PPP1R12B: variants seen among roughly 807,000 people sequenced by gnomAD.
The protein encoded by PPP1R12B is myosin phosphatase target subunit 2.
A neutral mutation model predicts 126.1 loss-of-function variants in PPP1R12B; 76 were observed. The observed-to-expected ratio is 0.60, with a 90% confidence interval of 0.50 to 0.73. The LOEUF (loss-of-function observed/expected upper bound fraction) is 0.73. Among genes scored for constraint, PPP1R12B ranks in the 30% least tolerant of loss-of-function variants. The probability of loss-of-function intolerance (pLI) is 0.00; values close to 1 mark genes in which losing one functional copy is unlikely to be tolerated. For synonymous variants in PPP1R12B, 356 were observed against 434.7 expected, an observed-to-expected ratio of 0.82 and a Z score of 2.25; for missense variants, 1,052 against 1,205.1, an observed-to-expected ratio of 0.87 and a Z score of 1.88.
At chr1:202,569,299 C>A in intron 23 of PPP1R12B, 102 bp downstream of exon 23, 1 of 1,155,466 alleles carries the variant, frequency 8.7e-7, no homozygotes, top group Non-Finnish European at 1.3e-6. Context: ...TCACTACAAA[C>A]TCAATATCTG....
intron 1 of PPP1R12B, among the ~76,000 whole-genome samples, chr1:202,377,192 G>A (rs1311425350): frequency 6.6e-6 from 1 of 151,374 alleles, no homozygotes; most frequent in African/African-American, 2.4e-5. Flanking sequence ...TAGTGTAGAT[G>A]TTCTGAGAAG....
At chr1:202,436,196 G>A (rs1278282165) in intron 9 of PPP1R12B, among the ~76,000 whole-genome samples, 64 of 152,164 alleles carry the variant, frequency 4.2e-4, no homozygotes, top group African/African-American at 1.4e-3. Context: ...AGCCCAGGAG[G>A]TCAAGGCTGT....
intron 1 of PPP1R12B, among the ~76,000 whole-genome samples, chr1:202,371,829 T>G (rs973263770): frequency 1.3e-5 from 2 of 151,604 alleles, no homozygotes; most frequent in African/African-American, 4.8e-5. Flanking sequence ...ATGTTGATAT[T>G]CTGGATGCCA....
rs1205379534 is a variant in PPP1R12B at position 202,589,839 on chromosome 1, G to C, written c.*9279G>C. On this transcript the variant is annotated 3_prime_UTR_variant, in exon 24 of 24. Transcript: ENST00000608999. ...AGGTGGGCAGCTCCCATCCCTGCTT[G>C]CATTCACTGCCCCCATGCCTTTGGA... 3.3e-5 allele frequency: 5 copies of C among 152,226 alleles called. No individual in the cohort carries two copies. Among genetic ancestry groups the C allele is most frequent in the African/African-American group, 1.2e-4 (5 of 41,422 alleles). The allele number at this position is 152,226 out of a possible 1,614,324, so 9.4% of individuals were successfully genotyped here. A position where few individuals can be genotyped will look rare whatever the true frequency, so the allele number is the denominator to read the frequency against.
Position 202,515,255 on chromosome 1 carries a change from T to C in PPP1R12B, c.2490+18433T>C, listed in dbSNP as rs192877014. ...AACCCCTGTGACACAAGTTTACCTATGTAACAAACCTTCACATGTACCCCA... is the reference window on the plus strand; with the variant it reads ...AACCCCTGTGACACAAGTTTACCTACGTAACAAACCTTCACATGTACCCCA... On this transcript the variant is annotated intron_variant, in intron 18 of 23. Coordinates refer to ENST00000608999, the MANE Select transcript of PPP1R12B (RefSeq NM_002481.4). Among the ~76,000 whole-genome samples, 7 of 152,246 alleles carry C rather than the reference T, an allele frequency of 4.6e-5. No individual in the cohort carries two copies. In the East Asian group the frequency reaches 1.2e-3, roughly 25 times the overall value.
chr1:202,477,133 T>C (rs189520209), intron 13 of PPP1R12B, among the ~76,000 whole-genome samples: 15 of 152,292 alleles, frequency 9.8e-5, no homozygotes, highest in African/African-American at 2.9e-4. Context: ...TTCCAAATTA[T>C]TACTGATGAG....
chr1:202,382,435 T>C (rs1244370919), intron 1 of PPP1R12B, among the ~76,000 whole-genome samples: 4 of 124,234 alleles, frequency 3.2e-5, no homozygotes, highest in Non-Finnish European at 6.9e-5. Context: ...AAAAAATATA[T>C]ATATAAAAGA....
intron 1 of PPP1R12B, among the ~76,000 whole-genome samples, chr1:202,368,367 G>A (rs891016710): frequency 6.6e-6 from 1 of 152,296 alleles, no homozygotes; most frequent in African/African-American, 2.4e-5. Context: ...CCTCCACTGT[G>A]AGTAAAAGCT....
At chr1:202,487,068 C>T (rs1233382458) in intron 13 of PPP1R12B, among the ~76,000 whole-genome samples, 2 of 152,058 alleles carry the variant, frequency 1.3e-5, no homozygotes, top group East Asian at 3.9e-4. Flanking sequence ...GTTTAAAAAT[C>T]TATATAAAAA....
intron 5 of PPP1R12B, 31 bp downstream of exon 5, chr1:202,427,215 C>T (rs371129816): frequency 4.4e-5 from 71 of 1,610,440 alleles, no homozygotes; most frequent in African/African-American, 1.9e-4. Flanking sequence ...AAAAGAACAA[C>T]GAGATTGGTG....
intron 18 of PPP1R12B, among the ~76,000 whole-genome samples, chr1:202,544,634 T>A (rs1190151041): frequency 3.3e-5 from 5 of 152,226 alleles, no homozygotes; most frequent in African/African-American, 1.2e-4. Context: ...GGATTTGACC[T>A]GTATTTATAA....
chr1:202,468,467 G>A (rs1397791659), intron 13 of PPP1R12B, among the ~76,000 whole-genome samples: 1 of 152,170 alleles, frequency 6.6e-6, no homozygotes, highest in Admixed American at 6.6e-5. Context: ...TTTCTAGGAA[G>A]TCTCTTATTC....
At position 202,431,474 on chromosome 1, in the gene PPP1R12B, A is replaced by T; in HGVS notation, c.1002-6A>T. 6.3e-7 allele frequency: 1 copy of T among 1,585,256 alleles called. No individual in the cohort carries two copies. Among genetic ancestry groups the T allele is most frequent in the South Asian group, 1.2e-5 (1 of 85,768 alleles). On this transcript the variant is annotated splice_polypyrimidine_tract_variant and splice_region_variant and intron_variant, in intron 7 of 23. Coordinates refer to ENST00000608999, the MANE Select transcript of PPP1R12B (RefSeq NM_002481.4). ...AATTATACTCAAGTTGTCATCTTTA[A>T]TTTAGCAAAGAGAAGATGCTCTATG...
intron 14 of PPP1R12B, among the ~76,000 whole-genome samples, chr1:202,488,850 C>G (rs1678491578): frequency 6.6e-6 from 1 of 152,148 alleles, no homozygotes; most frequent in Non-Finnish European, 1.5e-5. Context: ...TCAAGACCAG[C>G]CTGGCCAACG....
chr1:202,574,994 C>G (rs1379348205), intron 23 of PPP1R12B: 2 of 1,600,580 alleles, frequency 1.2e-6, no homozygotes, highest in African/African-American at 2.7e-5. Context: ...ATGTCTCAAT[C>G]TCTACAGAAC....
intron 18 of PPP1R12B, among the ~76,000 whole-genome samples, chr1:202,547,419 C>G (rs1331086360): frequency 6.6e-6 from 1 of 152,134 alleles, no homozygotes; most frequent in Non-Finnish European, 1.5e-5. Flanking sequence ...AATCCAACAG[C>G]TTTCTTTGGT....
At chr1:202,487,908 T>C (rs896349454) in intron 13 of PPP1R12B, among the ~76,000 whole-genome samples, 1 of 152,122 alleles carries the variant, frequency 6.6e-6, no homozygotes, top group Non-Finnish European at 1.5e-5. Flanking sequence ...ACACAATACC[T>C]TTCAAGACTT....
chr1:202,538,229 A>C (rs1684750940), intron 18 of PPP1R12B, among the ~76,000 whole-genome samples: 1 of 152,178 alleles, frequency 6.6e-6, no homozygotes, highest in Admixed American at 6.5e-5. Context: ...TCTTGACCTC[A>C]TGTGATCCAC....
At chr1:202,368,968 C>G (rs1659760214) in intron 1 of PPP1R12B, among the ~76,000 whole-genome samples, 1 of 152,190 alleles carries the variant, frequency 6.6e-6, no homozygotes, top group Non-Finnish European at 1.5e-5. Context: ...CCTCCCACTT[C>G]AGCCCCAAAA....
Sources: allele counts gnomAD v4.1 joint callset (sites outside exome capture counted in the v4.1 genomes callset), GRCh38; gene constraint gnomAD v4.1.1; transcripts MANE v1.5; gene names NCBI Gene and HGNC (gene_info 2026-07-23, HGNC 2026-07-21).